Variants in HEMK2 observed in about 807,000 individuals in gnomAD.
HEMK2 encodes the protein HemK methyltransferase 2, ETF1 glutamine and histone H4 lysine.
chr21:28,791,248 C>T, the HEMK2 span, among the ~76,000 whole-genome samples: 6 of 152,068 alleles, frequency 3.9e-5, no homozygotes, highest in African/African-American at 7.2e-5. Context: ...TTTCATTATG[C>T]GATCAAGGTT....
chr21:28,582,532 T>C, the HEMK2 span, among the ~76,000 whole-genome samples: 1 of 152,148 alleles, frequency 6.6e-6, no homozygotes, highest in Admixed American at 6.5e-5. Context: ...CCTCTAAAGT[T>C]CTGCAGAGGG....
the HEMK2 span, among the ~76,000 whole-genome samples, chr21:28,683,599 A>G: frequency 6.6e-6 from 1 of 152,346 alleles, no homozygotes; most frequent in Non-Finnish European, 1.5e-5. Context: ...ACACCTAGTC[A>G]ACATTGTGAT....
At chr21:28,607,966 ACT>A in the HEMK2 span, among the ~76,000 whole-genome samples, 6 of 152,204 alleles carry the variant, frequency 3.9e-5, no homozygotes, top group Non-Finnish European at 7.3e-5. Flanking sequence ...TTCACAAATG[ACT>A]TAACAATTTT....
chr21:28,759,794 AG>A, the HEMK2 span, among the ~76,000 whole-genome samples: 5 of 152,154 alleles, frequency 3.3e-5, no homozygotes, highest in African/African-American at 1.2e-4. Flanking sequence ...GCCACCATGT[AG>A]GACATGCCTT....
the HEMK2 span, among the ~76,000 whole-genome samples, chr21:28,590,426 AC>A: frequency 7.2e-5 from 11 of 152,050 alleles, no homozygotes; most frequent in African/African-American, 9.7e-5. Context: ...ATAAAAAAAA[AC>A]TGAATAAAGC....
At chr21:28,663,531 A>C in the HEMK2 span, among the ~76,000 whole-genome samples, 1 of 152,268 alleles carries the variant, frequency 6.6e-6, no homozygotes, top group African/African-American at 2.4e-5. Flanking sequence ...GGGGCTCTGC[A>C]GCAATGATAT....
chr21:28,855,999 AAT>A, the HEMK2 span, among the ~76,000 whole-genome samples: 24,350 of 152,156 alleles, frequency 0.16, 2,380 homozygotes, highest in East Asian at 0.49. Context: ...GACAAAAAAT[AAT>A]ATGTTTTTTA....
chr21:28,876,348 C>T, the HEMK2 span: 6 of 1,338,610 alleles, frequency 4.5e-6, no homozygotes, highest in Non-Finnish European at 6.1e-6. Flanking sequence ...ATGCTAAATG[C>T]ATTCAGTTTC....
the HEMK2 span, among the ~76,000 whole-genome samples, chr21:28,867,596 G>C: frequency 6.6e-6 from 1 of 152,182 alleles, no homozygotes; most frequent in Admixed American, 6.5e-5. Context: ...TTGGGTCAGA[G>C]ACAAGGAACT....
chr21:28,701,979 C>T, the HEMK2 span, among the ~76,000 whole-genome samples: 1 of 152,078 alleles, frequency 6.6e-6, no homozygotes, highest in Non-Finnish European at 1.5e-5. Context: ...ACTACAAAAA[C>T]ATATACACAG....
At chr21:28,815,138 C>G in the HEMK2 span, among the ~76,000 whole-genome samples, 1 of 150,532 alleles carries the variant, frequency 6.6e-6, no homozygotes, top group Non-Finnish European at 1.5e-5. Flanking sequence ...GGACAAAAAA[C>G]CACACACCGC....
At chr21:28,835,087 T>C in the HEMK2 span, among the ~76,000 whole-genome samples, 1 of 152,032 alleles carries the variant, frequency 6.6e-6, no homozygotes, top group South Asian at 2.1e-4. Context: ...AAAGGGCATA[T>C]AATCTTGAGA....
the HEMK2 span, among the ~76,000 whole-genome samples, chr21:28,877,259 G>GGGAAGGAAGGAAGGAAGGAGGGAA: frequency 1.3e-5 from 1 of 76,188 alleles, no homozygotes; most frequent in Admixed American, 1.5e-4. Flanking sequence ...GGGAAGAGAA[G>GGGAAGGAAGGAAGGAAGGAGGGAA]GGAAGGAAGG....
the HEMK2 span, among the ~76,000 whole-genome samples, chr21:28,757,838 A>C: frequency 2.0e-5 from 3 of 152,190 alleles, no homozygotes; most frequent in African/African-American, 7.2e-5. Flanking sequence ...GAGTTTGTTC[A>C]GGAGCTTTTC....
At chr21:28,835,008 T>G in the HEMK2 span, among the ~76,000 whole-genome samples, 17 of 152,036 alleles carry the variant, frequency 1.1e-4, no homozygotes, top group Non-Finnish European at 2.4e-4. Context: ...AAGGAGAGCC[T>G]GAATTCAGAC....
chr21:28,598,524 A>C, the HEMK2 span, among the ~76,000 whole-genome samples: 2 of 152,212 alleles, frequency 1.3e-5, no homozygotes, highest in Admixed American at 6.5e-5. Flanking sequence ...TCCCCTGTGA[A>C]GGACACCTGC....
chr21:28,810,361 A>G, the HEMK2 span, among the ~76,000 whole-genome samples: 2 of 152,214 alleles, frequency 1.3e-5, no homozygotes, highest in African/African-American at 4.8e-5. Flanking sequence ...AGCAACAGTC[A>G]TGGAAGCTTT....
chr21:28,721,995 T>C, the HEMK2 span, among the ~76,000 whole-genome samples: 6 of 151,156 alleles, frequency 4.0e-5, no homozygotes. Context: ...TATCAGTAAA[T>C]AGAAATCATA....
chr21:28,585,528 A>G, the HEMK2 span, among the ~76,000 whole-genome samples: 5 of 152,030 alleles, frequency 3.3e-5, no homozygotes, highest in Admixed American at 1.3e-4. Flanking sequence ...ACAAAACTAC[A>G]AAAAATGACA....
Sources: allele counts gnomAD v4.1 joint callset (sites outside exome capture counted in the v4.1 genomes callset), GRCh38; gene constraint gnomAD v4.1.1; transcripts MANE v1.5; gene names NCBI Gene and HGNC (gene_info 2026-07-23, HGNC 2026-07-21).